ELP1: variants seen among roughly 807,000 people sequenced by gnomAD.
ELP1 encodes elongator complex protein 1.
Under a neutral mutation model 183.2 loss-of-function variants are expected in ELP1, and 131 were observed. The ratio of observed to expected loss-of-function variants is 0.72; its 90% CI spans 0.62 to 0.83. ELP1 has a LOEUF of 0.83. Among genes scored for constraint, ELP1 ranks in the 40% least tolerant of loss-of-function variants. The probability of loss-of-function intolerance (pLI) is 0.00; values close to 1 mark genes in which losing one functional copy is unlikely to be tolerated. For synonymous variants in ELP1, 555 were observed against 569.0 expected (o/e 0.98, Z 0.35); for missense variants, 1,550 against 1,594.9 (o/e 0.97, Z 0.48).
rs543624909 is a variant in ELP1 at position 108,911,994 on chromosome 9, A to G, written c.1189+270T>C. 2.6e-5 allele frequency among the ~76,000 whole-genome samples: 4 copies of G among 152,254 alleles called. No homozygotes were observed. The South Asian group carries it at 8.3e-4, about 32-fold the overall frequency. On this transcript the variant is annotated intron_variant, in intron 11 of 36. Transcript: ENST00000374647. ...TGTACTGTTGTCATCCTCTCTACCTAGAGTCAAAGTTTTCAGTGTCTTCAA... is the reference window on the plus strand; with the variant it reads ...TGTACTGTTGTCATCCTCTCTACCTGGAGTCAAAGTTTTCAGTGTCTTCAA...
chr9:108,929,968 G>A (rs773890481), intron 2 of ELP1, 47 bp from the exon 3 acceptor site: 1 of 1,587,516 alleles, frequency 6.3e-7, no homozygotes, highest in Non-Finnish European at 8.6e-7. Context: ...CTACTTTCAA[G>A]AATAATTGAT....
intron 1 of ELP1, among the ~76,000 whole-genome samples, chr9:108,933,450 T>A (rs1383368385): frequency 6.6e-6 from 1 of 152,084 alleles, no homozygotes; most frequent in East Asian, 1.9e-4. Flanking sequence ...GAAAGCCACG[T>A]AAAACACCAC....
rs1828330886 is a variant in ELP1 at position 108,891,405 on chromosome 9, C to A, written c.2959-1G>T. 1 of 1,613,062 alleles carries A rather than the reference C, an allele frequency of 6.2e-7. No homozygotes were observed. The highest frequency in any genetic ancestry group is 1.7e-5 in the Admixed American group (1 of 60,024). ...GCTCCCCATAAGCAATGCTGATATCCTGTGACAAGAGGAGATTTAGGACTG... is the reference window on the plus strand; with the variant it reads ...GCTCCCCATAAGCAATGCTGATATCATGTGACAAGAGGAGATTTAGGACTG... On this transcript the variant is annotated splice_acceptor_variant, in intron 27 of 36. Coordinates refer to ENST00000374647, the MANE Select transcript of ELP1 (RefSeq NM_003640.5). LOFTEE classifies it high-confidence loss of function.
At chr9:108,904,514 A>G (rs1828946336) in intron 14 of ELP1, among the ~76,000 whole-genome samples, 1 of 152,252 alleles carries the variant, frequency 6.6e-6, no homozygotes, top group Non-Finnish European at 1.5e-5. Context: ...TTTTTAACCA[A>G]TCTACAAAAA....
intron 36 of ELP1, among the ~76,000 whole-genome samples, chr9:108,872,648 C>CA (rs1827504975): frequency 6.6e-6 from 1 of 150,740 alleles, no homozygotes; most frequent in South Asian, 2.1e-4. Context: ...ACTAAAAATA[C>CA]AAAAAAATTA....
In ELP1 at chr9:108,880,103, G is replaced by A. The variant is rs377679012; in HGVS notation, c.3409C>T (p.Arg1137Cys). 34 of 1,614,016 alleles carry A rather than the reference G, an allele frequency of 2.1e-5. No individual in the cohort carries two copies. Among genetic ancestry groups the A allele is most frequent in the Non-Finnish European group, 2.7e-5 (32 of 1,180,008 alleles). ...QTATFSRHKK[R>C]LLVVRELKEQ... ...TTGAGCTCTCGAACTACCAATAAAC[G>A]TTTCTTGTGGCGACTGAATGTGGCT... Residue 1137 changes from arginine to cysteine, a missense_variant, in exon 32 of 37, where the codon CGT (arginine) becomes TGT (cysteine). Physicochemically the swap from Arg to Cys is radical, Grantham distance 180 (BLOSUM62 -3). Transcript: ENST00000374647.
intron 29 of ELP1, among the ~76,000 whole-genome samples, chr9:108,882,956 T>C (rs1827987982): frequency 6.6e-6 from 1 of 152,234 alleles, no homozygotes; most frequent in African/African-American, 2.4e-5. Flanking sequence ...ATTAAACCTT[T>C]ATCAGATATA....
At chr9:108,923,882 T>G (rs1158379275) in intron 5 of ELP1, among the ~76,000 whole-genome samples, 2 of 152,240 alleles carry the variant, frequency 1.3e-5, no homozygotes, top group East Asian at 3.8e-4. Flanking sequence ...AAACATCACC[T>G]AATCCAGGAC....
chr9:108,926,456 G>T, intron 5 of ELP1, 67 bp downstream of exon 5: 2 of 1,233,594 alleles, frequency 1.6e-6, no homozygotes, highest in Non-Finnish European at 2.4e-6. Flanking sequence ...GGCTATTAGT[G>T]CACAAGGAAA....
chr9:108,931,900 C>T (rs1399413535), intron 1 of ELP1, among the ~76,000 whole-genome samples: 1 of 152,170 alleles, frequency 6.6e-6, no homozygotes, highest in East Asian at 1.9e-4. Context: ...GAAAAGAGTG[C>T]TAAACAAGAC....
chr9:108,872,895 A>G (rs945654477), intron 36 of ELP1, among the ~76,000 whole-genome samples: 8 of 151,584 alleles, frequency 5.3e-5, no homozygotes, highest in Admixed American at 3.3e-4. Flanking sequence ...CATAACTACA[A>G]CTATATTTGA....
intron 16 of ELP1, among the ~76,000 whole-genome samples, chr9:108,902,440 G>A (rs1033109757): frequency 1.3e-5 from 2 of 152,168 alleles, no homozygotes; most frequent in South Asian, 4.1e-4. Flanking sequence ...AATTAGTCAA[G>A]CGGTTTTGTT....
rs555241201 is a variant in ELP1, at chr9:108,915,757, T to C, written c.958+447A>G. ...AACTACACAGGTCCATTTATATTCG[T>C]ATTTTTTTCAATGAATACAGTCGGC... On this transcript the variant is annotated intron_variant, in intron 10 of 36. Transcript: ENST00000374647. Among the ~76,000 whole-genome samples the C allele has an allele frequency of 6.6e-5, 10 of 151,600 alleles. No homozygotes were observed. The South Asian group carries it at 1.9e-3, about 29-fold the overall frequency.
intron 27 of ELP1, among the ~76,000 whole-genome samples, chr9:108,891,903 C>A (rs1828352172): frequency 6.6e-6 from 1 of 152,116 alleles, no homozygotes; most frequent in Admixed American, 6.5e-5. Context: ...GGCACCATGG[C>A]CATGCAGCAG....
At position 108,908,369 on chromosome 9, in the gene ELP1, C is replaced by T. The variant is rs751206488; in HGVS notation, c.1396G>A (p.Gly466Arg). 6.2e-7 allele frequency: 1 copy of T among 1,614,146 alleles called. No homozygotes were observed. The highest frequency in any genetic ancestry group is 8.5e-7 in the Non-Finnish European group (1 of 1,180,012). ...CPSADPTVKL[G>R]AVGGSGFKVC... ...TTAAATCCACTTCCACCCACAGCTCCCAGTTTCACTGTAGGGTCAGCACTT... is the reference window on the plus strand; with the variant it reads ...TTAAATCCACTTCCACCCACAGCTCTCAGTTTCACTGTAGGGTCAGCACTT... The change falls in exon 13 of 37, where the codon GGA becomes AGA. Residue 466 changes from glycine to arginine, a missense_variant. Transcript: ENST00000374647.
At chr9:108,892,584 A>T (rs1828383348) in intron 27 of ELP1, among the ~76,000 whole-genome samples, 1 of 152,220 alleles carries the variant, frequency 6.6e-6, no homozygotes, top group Non-Finnish European at 1.5e-5. Flanking sequence ...TGAGGCTGTT[A>T]AGAGGATCAT....
At chr9:108,914,215 C>T (rs535036106) in intron 10 of ELP1, among the ~76,000 whole-genome samples, 3 of 151,848 alleles carry the variant, frequency 2.0e-5, no homozygotes, top group South Asian at 2.1e-4. Flanking sequence ...CTGGCTAACG[C>T]GGTGAAACCC....
chr9:108,908,338 C>A lies in ELP1; in HGVS notation c.1427G>T (p.Cys476Phe). The A allele has an allele frequency of 6.2e-7, 1 of 1,614,102 alleles. No individual in the cohort carries two copies. The highest frequency in any genetic ancestry group is 8.5e-7 in the Non-Finnish European group (1 of 1,179,964). ...CTTTTCCAAATGAGGAGTTCTAAGG[C>A]AAACTTTAAATCCACTTCCACCCAC... is the stretch of plus-strand genomic sequence containing the variant. ...GAVGGSGFKVCLRTPHLEKRY... is the reference protein window; with the variant it reads ...GAVGGSGFKVFLRTPHLEKRY... The change falls in exon 13 of 37, where the codon TGC becomes TTC. Residue 476 changes from cysteine to phenylalanine, a missense_variant. Coordinates refer to ENST00000374647, the MANE Select transcript of ELP1 (RefSeq NM_003640.5).
In ELP1 at chr9:108,872,804, GAAAAAAAAAA is replaced by G. The variant is rs58139943; in HGVS notation, c.3931+2081_3931+2090del. Among the ~76,000 whole-genome samples, 604 of 83,350 alleles carry G rather than the reference GAAAAAAAAAA, an allele frequency of 7.2e-3. 2 individuals are homozygous for G. Among genetic ancestry groups the G allele is most frequent in the Non-Finnish European group, 1.0e-2 (503 of 50,334 alleles). The allele number at this position is 83,350 out of a possible 152,430, so 54.7% of individuals were successfully genotyped here. ...TGGGCCACAGAGCAAGACTCTGTCT[GAAAAAAAAAA>G]AAAAAAAAAAAAAAAAAAAAAAAAA... On this transcript the variant is annotated intron_variant, in intron 36 of 36. Transcript: ENST00000374647.
Sources: gnomAD v4.1 joint callset for allele counts (sites outside exome capture counted in the v4.1 genomes callset) on GRCh38, gnomAD v4.1.1 for gene constraint, MANE v1.5 for transcripts, NCBI Gene and HGNC (gene_info 2026-07-23, HGNC 2026-07-21) for gene names.